ERBB4: variants seen among roughly 807,000 people sequenced by gnomAD.
ERBB4 encodes the protein erb-b2 receptor tyrosine kinase 4.
Under a neutral mutation model 158.0 loss-of-function variants are expected in ERBB4, and 42 were observed. The observed-to-expected ratio is 0.27, with a 90% CI of 0.21 to 0.34. The LOEUF is 0.34. ERBB4 is among the 10% of genes least tolerant of loss of function. The pLI, the probability that ERBB4 is intolerant of heterozygous loss-of-function variation, is 1.00. For synonymous variants in ERBB4, 583 were observed against 558.7 expected (o/e 1.04, Z -0.61); for missense variants, 1,333 against 1,624.1 (o/e 0.82, Z 3.08).
At chr2:211,628,478 G>A (rs893520516) in intron 17 of ERBB4, among the ~76,000 whole-genome samples, 1 of 152,152 alleles carries the variant, frequency 6.6e-6, no homozygotes, top group Non-Finnish European at 1.5e-5. Flanking sequence ...CTTCATCCAT[G>A]TCCCTACAAA....
intron 20 of ERBB4, among the ~76,000 whole-genome samples, chr2:211,556,277 G>C (rs2067235868): frequency 6.6e-6 from 1 of 152,194 alleles, no homozygotes; most frequent in African/African-American, 2.4e-5. Context: ...GGAGCACTTA[G>C]ATTCATAAAG....
chr2:211,835,948 A>G (rs943106407), intron 3 of ERBB4, among the ~76,000 whole-genome samples: 5 of 152,082 alleles, frequency 3.3e-5, no homozygotes, highest in African/African-American at 1.2e-4. Context: ...GCTTCCTAGA[A>G]TTAGAACTGG....
chr2:212,084,765 C>T (rs16847678), intron 2 of ERBB4, among the ~76,000 whole-genome samples: 1 of 151,738 alleles, frequency 6.6e-6, no homozygotes, highest in African/African-American at 2.4e-5. Flanking sequence ...AAAAGAGGAA[C>T]CCACAGAATG....
chr2:211,733,966 C>T (rs966670295), intron 5 of ERBB4, among the ~76,000 whole-genome samples: 13 of 147,288 alleles, frequency 8.8e-5, no homozygotes, highest in Admixed American at 6.6e-4. Flanking sequence ...CATTTGAACC[C>T]GGGAGACTGA....
At chr2:211,562,994 A>ATCTCCTG in intron 19 of ERBB4, among the ~76,000 whole-genome samples, 1 of 152,088 alleles carries the variant, frequency 6.6e-6, no homozygotes, top group East Asian at 1.9e-4. Context: ...GATGGTCTCT[A>ATCTCCTG]TCTCCTGACC....
intron 2 of ERBB4, among the ~76,000 whole-genome samples, chr2:211,969,620 G>T (rs2081397074): frequency 6.6e-6 from 1 of 151,944 alleles, no homozygotes; most frequent in Non-Finnish European, 1.5e-5. Context: ...GCTGGGAAGG[G>T]TGCTCTTTAT....
At chr2:212,293,657 G>A (rs1009855333) in intron 1 of ERBB4, among the ~76,000 whole-genome samples, 8 of 151,868 alleles carry the variant, frequency 5.3e-5, no homozygotes, top group African/African-American at 1.9e-4. Context: ...AGACCAGCCT[G>A]GTCAAAATGG....
chr2:211,549,678 C>T (rs149763237), intron 20 of ERBB4, among the ~76,000 whole-genome samples: 1 of 152,222 alleles, frequency 6.6e-6, no homozygotes, highest in Non-Finnish European at 1.5e-5. Context: ...ACCCAGCAGA[C>T]CACCAGCAGA....
rs2081393911 is a variant in ERBB4 at position 212,167,837 on chromosome 2, G to A, written c.83-42934C>T. On this transcript the variant is annotated intron_variant, in intron 1 of 27. Transcript: ENST00000342788. ...CATCATCCTCAGCAAACTAATACAG[G>A]AACAGAAAACCAAACACCACATGTT... Among the ~76,000 whole-genome samples, 3 of 152,010 alleles carry A rather than the reference G, an allele frequency of 2.0e-5. No homozygotes were observed. In the South Asian group the frequency reaches 6.2e-4, roughly 31 times the overall value.
rs1559293936 is a variant in ERBB4, at chr2:212,003,206, A to AAAGG, written c.235-55591_235-55590insCCTT. On this transcript the variant is annotated intron_variant, in intron 2 of 27. Transcript: ENST00000342788. Reference sequence around the variant, plus strand: ...GAAAGAAAGAAAGAAAGAAAGAAAGACAGAAAGAAGGAAGGAAGGAAGGAA... The same window carrying AAAGG: ...GAAAGAAAGAAAGAAAGAAAGAAAGAAAGGCAGAAAGAAGGAAGGAAGGAAGGAA... 3.8e-3 allele frequency among the ~76,000 whole-genome samples: 179 copies of AAAGG among 47,028 alleles called. 9 individuals are homozygous for AAAGG. Among genetic ancestry groups the AAAGG allele is most frequent in the Middle Eastern group, 0.022 (2 of 90 alleles). The allele number at this position is 47,028 out of a possible 152,430, so 30.9% of individuals were successfully genotyped here.
chr2:211,803,381 G>A (rs1056038280), intron 3 of ERBB4, among the ~76,000 whole-genome samples: 2 of 152,144 alleles, frequency 1.3e-5, no homozygotes, highest in Non-Finnish European at 2.9e-5. Flanking sequence ...GAGTCCAGAA[G>A]ATAATAAACT....
At chr2:212,534,409 T>C (rs1055381030) in intron 1 of ERBB4, among the ~76,000 whole-genome samples, 1 of 152,180 alleles carries the variant, frequency 6.6e-6, no homozygotes, top group African/African-American at 2.4e-5. Flanking sequence ...AAGAGGGACT[T>C]CTCTGTGGAA....
chr2:211,411,592 C>T (rs2063264012), intron 25 of ERBB4, among the ~76,000 whole-genome samples: 1 of 152,118 alleles, frequency 6.6e-6, no homozygotes, highest in African/African-American at 2.4e-5. Flanking sequence ...TGAAAGAGAT[C>T]AATGTTGGGA....
chr2:212,189,610 T>C (rs749282282), intron 1 of ERBB4, among the ~76,000 whole-genome samples: 2 of 152,188 alleles, frequency 1.3e-5, no homozygotes, highest in African/African-American at 2.4e-5. Context: ...TATAAACAAG[T>C]TTCATGCCAA....
chr2:211,474,926 G>T (rs2064917916), intron 20 of ERBB4, among the ~76,000 whole-genome samples: 1 of 151,986 alleles, frequency 6.6e-6, no homozygotes, highest in African/African-American at 2.4e-5. Flanking sequence ...AAAGGAAGCA[G>T]TCAAAGAAAG....
At chr2:211,968,468 C>G (rs1354657964) in intron 2 of ERBB4, among the ~76,000 whole-genome samples, 1 of 151,982 alleles carries the variant, frequency 6.6e-6, no homozygotes, top group Non-Finnish European at 1.5e-5. Flanking sequence ...TTTAATGAAT[C>G]AAAGCAGAAT....
At chr2:212,181,010 G>C (rs1420397053) in intron 1 of ERBB4, among the ~76,000 whole-genome samples, 1 of 151,518 alleles carries the variant, frequency 6.6e-6, no homozygotes, top group Non-Finnish European at 1.5e-5. Context: ...GCCATTTAAT[G>C]CTAACAACTG....
At chr2:211,817,460 T>C (rs754236599) in intron 3 of ERBB4, among the ~76,000 whole-genome samples, 2 of 152,204 alleles carry the variant, frequency 1.3e-5, no homozygotes, top group Non-Finnish European at 2.9e-5. Flanking sequence ...AACAAACATA[T>C]ACATGTATAT....
At chr2:211,867,624 G>C (rs957713463) in intron 3 of ERBB4, among the ~76,000 whole-genome samples, 2 of 152,034 alleles carry the variant, frequency 1.3e-5, no homozygotes, top group Non-Finnish European at 2.9e-5. Flanking sequence ...TTAAGAGATG[G>C]GGTCTTGCTA....
Sources: allele counts gnomAD v4.1 joint callset (sites outside exome capture counted in the v4.1 genomes callset), GRCh38; gene constraint gnomAD v4.1.1; transcripts MANE v1.5; gene names NCBI Gene and HGNC (gene_info 2026-07-23, HGNC 2026-07-21).